Variants in RMST observed in about 807,000 individuals in gnomAD.
RMST encodes long intergenic non-protein coding RNA 54.
At chr12:97,549,039 C>G (rs1206882246) in intron 11 of RMST, among the ~76,000 whole-genome samples, 1 of 152,102 alleles carries the variant, frequency 6.6e-6, no homozygotes, top group East Asian at 1.9e-4. Context: ...ACAAAAAGAT[C>G]TGAGAGTTTG....
intron 13 of RMST, among the ~76,000 whole-genome samples, chr12:97,561,705 T>A (rs1884124771): frequency 6.9e-6 from 1 of 144,346 alleles, no homozygotes; most frequent in South Asian, 2.4e-4. Context: ...AGAGGATTGC[T>A]TCCATCCCAG....
At chr12:97,523,157 A>G (rs1436852544) in intron 10 of RMST, among the ~76,000 whole-genome samples, 2 of 152,210 alleles carry the variant, frequency 1.3e-5, no homozygotes, top group Non-Finnish European at 2.9e-5. Flanking sequence ...CAGAAAAAGG[A>G]TTTTGTTAAT....
chr12:97,464,897 T>C (rs932461389), intron 4 of RMST: 8 of 152,224 alleles, frequency 5.3e-5, no homozygotes, highest in African/African-American at 1.9e-4. Flanking sequence ...AAAATATGTT[T>C]TGTTCTGAGT....
intron 11 of RMST, among the ~76,000 whole-genome samples, chr12:97,538,104 C>T (rs752473160): frequency 6.6e-6 from 1 of 151,322 alleles, no homozygotes; most frequent in Non-Finnish European, 1.5e-5. Context: ...GTTAAACAGG[C>T]AGCTTAACTG....
chr12:97,464,350 A>C (rs1872929701), intron 4 of RMST, among the ~76,000 whole-genome samples: 1 of 152,220 alleles, frequency 6.6e-6, no homozygotes, highest in African/African-American at 2.4e-5. Context: ...ACCGAAAAGC[A>C]GTCTGAATAT....
intron 13 of RMST, among the ~76,000 whole-genome samples, chr12:97,562,332 G>A (rs1243492018): frequency 1.3e-5 from 2 of 152,138 alleles, no homozygotes; most frequent in African/African-American, 4.8e-5. Context: ...GGTGGCTGGT[G>A]GAGAAAGGGA....
At chr12:97,468,707 A>G (rs1873509297) in intron 5 of RMST, among the ~76,000 whole-genome samples, 1 of 152,036 alleles carries the variant, frequency 6.6e-6, no homozygotes. Flanking sequence ...AATATAGTTT[A>G]CCGTAGAGAT....
At chr12:97,472,852 C>T (rs113290081) in intron 5 of RMST, among the ~76,000 whole-genome samples, 2,762 of 152,146 alleles carry the variant, frequency 0.018, 83 homozygotes, top group African/African-American at 0.061. Context: ...ATTATAACTT[C>T]GGAAAGATTT....
At chr12:97,533,330 A>G (rs547434822) in intron 11 of RMST, 5 of 151,876 alleles carry the variant, frequency 3.3e-5, no homozygotes, top group Admixed American at 6.6e-5. Flanking sequence ...CCGAAATTGC[A>G]TATCATATCC....
At chr12:97,532,009 A>AT (rs1441396156) in intron 11 of RMST, among the ~76,000 whole-genome samples, 1 of 151,984 alleles carries the variant, frequency 6.6e-6, no homozygotes, top group Non-Finnish European at 1.5e-5. Context: ...AAAATGAATC[A>AT]TTTTATGGCA....
intron 5 of RMST, among the ~76,000 whole-genome samples, chr12:97,481,159 A>AT: frequency 6.6e-6 from 1 of 151,950 alleles, no homozygotes; most frequent in South Asian, 2.1e-4. Flanking sequence ...TTAACTTTTA[A>AT]TTTTTTTTCT....
At chr12:97,489,407 A>G (rs1876502986) in intron 5 of RMST, among the ~76,000 whole-genome samples, 1 of 151,980 alleles carries the variant, frequency 6.6e-6, no homozygotes, top group Non-Finnish European at 1.5e-5. Flanking sequence ...TGATCGTGCC[A>G]CTGCACTCCA....
chr12:97,551,241 T>C (rs568496562), intron 11 of RMST, among the ~76,000 whole-genome samples: 14 of 150,660 alleles, frequency 9.3e-5, no homozygotes, highest in African/African-American at 3.2e-4. Flanking sequence ...CTCTTGGTAA[T>C]TGAATAACCA....
At chr12:97,496,105 C>T (rs948000812) in intron 10 of RMST, 1 of 152,092 alleles carries the variant, frequency 6.6e-6, no homozygotes, top group African/African-American at 2.4e-5. Flanking sequence ...TTCAGGTTCT[C>T]GGTCTAATTT....
At chr12:97,505,591 GTCAT>G (rs1277688246) in intron 10 of RMST, among the ~76,000 whole-genome samples, 1 of 152,174 alleles carries the variant, frequency 6.6e-6, no homozygotes, top group Non-Finnish European at 1.5e-5. Flanking sequence ...ACTAACTTCA[GTCAT>G]TCTTATCCAT....
chr12:97,501,396 A>C (rs999067800), intron 10 of RMST, among the ~76,000 whole-genome samples: 1 of 152,234 alleles, frequency 6.6e-6, no homozygotes, highest in African/African-American at 2.4e-5. Context: ...CTTGTAACCT[A>C]CATAACTGAG....
intron 10 of RMST, among the ~76,000 whole-genome samples, chr12:97,527,744 C>T (rs1592745447): frequency 6.6e-6 from 1 of 152,160 alleles, no homozygotes; most frequent in East Asian, 1.9e-4. Context: ...TCCTCCATAT[C>T]TATTGTTTTA....
At chr12:97,477,110 C>T (rs1433360187) in intron 5 of RMST, among the ~76,000 whole-genome samples, 4 of 152,108 alleles carry the variant, frequency 2.6e-5, no homozygotes, top group Non-Finnish European at 4.4e-5. Flanking sequence ...GATGAGGGTA[C>T]GGAGGTGACT....
chr12:97,507,595 C>T (rs1047235526), intron 10 of RMST, among the ~76,000 whole-genome samples: 3 of 152,098 alleles, frequency 2.0e-5, no homozygotes, highest in African/African-American at 7.2e-5. Flanking sequence ...TGACTTATAC[C>T]AGAAGTAGGC....
Sources: allele counts gnomAD v4.1 joint callset (sites outside exome capture counted in the v4.1 genomes callset), GRCh38; gene constraint gnomAD v4.1.1; transcripts MANE v1.5; gene names NCBI Gene and HGNC (gene_info 2026-07-23, HGNC 2026-07-21).